The following LRRC4C variants were observed in gnomAD, a reference collection of about 807,000 sequenced individuals.
The protein encoded by LRRC4C is leucine rich repeat containing 4C.
LRRC4C carries 5 observed loss-of-function variants against 33.6 expected under a neutral mutation model. The ratio of observed to expected loss-of-function variants is 0.15; its 90% CI spans 0.08 to 0.31. LRRC4C has a LOEUF of 0.31. Ranked by LOEUF, LRRC4C falls within the 10% of genes least tolerant of loss-of-function variation. LRRC4C has a pLI of 1.00. For synonymous variants in LRRC4C, 329 were observed against 302.0 expected, an observed-to-expected ratio of 1.09 and a Z score of -0.93; for missense variants, 560 against 796.7, an observed-to-expected ratio of 0.70 and a Z score of 3.58.
chr11:40,923,398 T>C (rs958812221), intron 2 of LRRC4C, among the ~76,000 whole-genome samples: 14 of 152,184 alleles, frequency 9.2e-5, no homozygotes, highest in Admixed American at 7.2e-4. Flanking sequence ...TCCAATTATT[T>C]TGAAGTTAAA....
chr11:40,347,372 G>T (rs1183308461), intron 3 of LRRC4C, among the ~76,000 whole-genome samples: 2 of 152,114 alleles, frequency 1.3e-5, no homozygotes, highest in Non-Finnish European at 2.9e-5. Context: ...TGTTGCAGCT[G>T]GTTTGGTCTA....
At chr11:40,976,569 C>T (rs1420431919) in intron 1 of LRRC4C, among the ~76,000 whole-genome samples, 2 of 152,158 alleles carry the variant, frequency 1.3e-5, no homozygotes, top group Non-Finnish European at 2.9e-5. Context: ...ACTAACCAAA[C>T]TAGTGAGACC....
intron 1 of LRRC4C, among the ~76,000 whole-genome samples, chr11:41,102,925 G>C (rs970694166): frequency 2.0e-5 from 3 of 151,786 alleles, no homozygotes; most frequent in Non-Finnish European, 4.4e-5. Context: ...CTGATGACTT[G>C]CCAAATATAA....
chr11:41,353,179 T>C (rs1952042794), intron 1 of LRRC4C, among the ~76,000 whole-genome samples: 1 of 151,664 alleles, frequency 6.6e-6, no homozygotes, highest in South Asian at 2.1e-4. Context: ...CAATCAGAAA[T>C]GACAAAATTA....
chr11:41,009,399 C>T (rs1855007710), intron 1 of LRRC4C, among the ~76,000 whole-genome samples: 1 of 151,960 alleles, frequency 6.6e-6, no homozygotes, highest in African/African-American at 2.4e-5. Context: ...AGAAGACTGA[C>T]AGCGAATGAA....
chr11:41,404,134 G>A (rs1328195368), intron 1 of LRRC4C, among the ~76,000 whole-genome samples: 2 of 152,046 alleles, frequency 1.3e-5, no homozygotes, highest in Non-Finnish European at 2.9e-5. Flanking sequence ...CAATGAGAAA[G>A]TTAAAAGAAA....
At chr11:40,333,756 A>G (rs576311210) in intron 3 of LRRC4C, among the ~76,000 whole-genome samples, 6 of 150,070 alleles carry the variant, frequency 4.0e-5, no homozygotes, top group African/African-American at 1.2e-4. Flanking sequence ...TCATAAATAC[A>G]TGGGATTTTG....
intron 1 of LRRC4C, among the ~76,000 whole-genome samples, chr11:41,287,742 A>G (rs1203604834): frequency 1.3e-5 from 2 of 152,182 alleles, no homozygotes; most frequent in Admixed American, 6.5e-5. Context: ...TTCCTGTTAA[A>G]CCTTGGCCTA....
At chr11:41,197,588 T>C (rs969411148) in intron 1 of LRRC4C, among the ~76,000 whole-genome samples, 3 of 151,960 alleles carry the variant, frequency 2.0e-5, no homozygotes, top group South Asian at 2.1e-4. Context: ...TAGCAAAATA[T>C]AGAGATAGAG....
At chr11:40,831,087 C>T (rs2135546056) in intron 2 of LRRC4C, among the ~76,000 whole-genome samples, 1 of 152,188 alleles carries the variant, frequency 6.6e-6, no homozygotes, top group South Asian at 2.1e-4. Context: ...CAATGGGTAG[C>T]AGTGATAGAG....
intron 1 of LRRC4C, among the ~76,000 whole-genome samples, chr11:41,414,537 C>CT (rs911294308): frequency 2.5e-4 from 38 of 149,316 alleles, no homozygotes; most frequent in South Asian, 1.5e-3. Context: ...AAAAATGGCT[C>CT]TTTTTTTTTT....
At chr11:40,642,728 G>T (rs1942199049) in intron 3 of LRRC4C, among the ~76,000 whole-genome samples, 1 of 152,052 alleles carries the variant, frequency 6.6e-6, no homozygotes, top group Admixed American at 6.5e-5. Context: ...ACAATTATTT[G>T]CAAGCTCCGA....
In LRRC4C at chr11:41,068,021, T is replaced by C. The variant is rs149802216; in HGVS notation, c.-495-134298A>G. 6.0e-3 allele frequency among the ~76,000 whole-genome samples: 913 copies of C among 151,128 alleles called. 7 individuals carry two copies. Among genetic ancestry groups the C allele is most frequent in the African/African-American group, 0.02 (830 of 41,110 alleles). On this transcript the variant is annotated intron_variant, in intron 1 of 6. Transcript: ENST00000528697. ...AACTAAAGAAGCAAGAGCAAACAAA[T>C]CCAAAAGCTAGCAGAAAATGAGAAA... is the stretch of plus-strand genomic sequence containing the variant.
rs567629136 is a variant in LRRC4C, at chr11:40,914,372, G to C, written c.-407+19263C>G. On this transcript the variant is annotated intron_variant, in intron 2 of 6. Coordinates refer to ENST00000528697, the MANE Select transcript of LRRC4C (RefSeq NM_001258419.2). The stretch of plus-strand genomic sequence containing the variant: ...CCATGATCAAGTGGGCTTCATCCCT[G>C]GGATGCAAGGCTGGTTCAACATATG... 2.0e-5 allele frequency among the ~76,000 whole-genome samples: 3 copies of C among 152,290 alleles called. No homozygotes were observed. In the South Asian group the frequency reaches 6.2e-4, roughly 32 times the overall value.
chr11:41,255,698 A>G (rs938784132), intron 1 of LRRC4C, among the ~76,000 whole-genome samples: 1 of 150,798 alleles, frequency 6.6e-6, no homozygotes, highest in African/African-American at 2.5e-5. Flanking sequence ...AATTGAGAAT[A>G]AGGGTAGAAG....
At chr11:40,445,144 C>T in intron 3 of LRRC4C, among the ~76,000 whole-genome samples, 1 of 152,166 alleles carries the variant, frequency 6.6e-6, no homozygotes, top group East Asian at 1.9e-4. Flanking sequence ...CTATAAAAAT[C>T]TCAGTTTTGC....
intron 1 of LRRC4C, among the ~76,000 whole-genome samples, chr11:41,191,604 C>A (rs185619839): frequency 7.9e-5 from 12 of 152,102 alleles, no homozygotes; most frequent in Non-Finnish European, 1.5e-4. Context: ...AGAAGGTAGC[C>A]CCAGAGGAGA....
intron 3 of LRRC4C, among the ~76,000 whole-genome samples, chr11:40,339,837 A>G (rs1313486056): frequency 1.3e-5 from 2 of 152,182 alleles, no homozygotes; most frequent in Non-Finnish European, 1.5e-5. Flanking sequence ...ATTTTCTCCA[A>G]GGAGCAATAG....
chr11:41,109,570 C>T (rs1002764742), intron 1 of LRRC4C, among the ~76,000 whole-genome samples: 5 of 152,078 alleles, frequency 3.3e-5, no homozygotes, highest in African/African-American at 9.6e-5. Flanking sequence ...GGAAAGTCTC[C>T]TTCTTTACCG....
Sources: gnomAD v4.1 joint callset for allele counts (sites outside exome capture counted in the v4.1 genomes callset) on GRCh38, gnomAD v4.1.1 for gene constraint, MANE v1.5 for transcripts, NCBI Gene and HGNC (gene_info 2026-07-23, HGNC 2026-07-21) for gene names.